Variants in TANC1 observed in about 807,000 individuals in gnomAD.
TANC1 encodes the protein protein TANC1.
In TANC1, 77 loss-of-function variants were observed where a neutral mutation model predicts 149.7. The observed-to-expected ratio is 0.51, with a 90% CI of 0.43 to 0.62. The LOEUF (loss-of-function observed/expected upper bound fraction) is 0.62, where lower values mean the gene tolerates loss of function less well. Among genes scored for constraint, TANC1 ranks in the 20% least tolerant of loss-of-function variants. TANC1 has a pLI of 0.00. For synonymous variants in TANC1, 854 were observed against 925.0 expected (o/e 0.92, Z 1.39); for missense variants, 1,985 against 2,321.8 (o/e 0.85, Z 2.98).
intron 2 of TANC1, among the ~76,000 whole-genome samples, chr2:159,028,670 T>C (rs1248152659): frequency 6.6e-6 from 1 of 152,230 alleles, no homozygotes; most frequent in Non-Finnish European, 1.5e-5. Context: ...ACTGAAACTT[T>C]ATATTCTTTC....
intron 3 of TANC1, among the ~76,000 whole-genome samples, chr2:159,068,450 T>A (rs188659040): frequency 6.6e-6 from 1 of 152,336 alleles, no homozygotes; most frequent in East Asian, 1.9e-4. Context: ...AAACTTGAGT[T>A]CAGCTTTTCA....
chr2:159,117,036 C>T (rs2150063937), intron 4 of TANC1, among the ~76,000 whole-genome samples: 1 of 152,294 alleles, frequency 6.6e-6, no homozygotes, highest in South Asian at 2.1e-4. Flanking sequence ...CACAGGAGCC[C>T]TCACACTCTG....
At chr2:159,002,182 G>A (rs571956558) in intron 2 of TANC1, among the ~76,000 whole-genome samples, 7 of 152,302 alleles carry the variant, frequency 4.6e-5, no homozygotes, top group East Asian at 3.9e-4. Flanking sequence ...ACCTGCGGCC[G>A]GAGGGGCTGG....
In TANC1 at chr2:159,231,796, T is replaced by C. The variant is rs2060342580; in HGVS notation, c.*784T>C. The C allele has an allele frequency of 6.6e-6, 1 of 152,172 alleles. No individual in the cohort carries two copies. Among genetic ancestry groups the C allele is most frequent in the Non-Finnish European group, 1.5e-5 (1 of 68,026 alleles). The allele number at this position is 152,172 out of a possible 1,614,324, so 9.4% of individuals were successfully genotyped here. Reference sequence around the variant, plus strand: ...TTCTTAGTGGCGCTTATAAATTAGCTCTCACCTGGTTTCCAAACTGCTTTT... The same window carrying C: ...TTCTTAGTGGCGCTTATAAATTAGCCCTCACCTGGTTTCCAAACTGCTTTT... On this transcript the variant is annotated 3_prime_UTR_variant, in exon 27 of 27. Transcript: ENST00000263635.
At chr2:159,098,940 G>A (rs1460204715) in intron 4 of TANC1, among the ~76,000 whole-genome samples, 2 of 151,908 alleles carry the variant, frequency 1.3e-5, no homozygotes, top group South Asian at 2.1e-4. Context: ...AACATATTCA[G>A]AATCTATCAA....
chr2:158,973,771 A>G (rs1282606159), intron 1 of TANC1, among the ~76,000 whole-genome samples: 1 of 152,166 alleles, frequency 6.6e-6, no homozygotes, highest in Non-Finnish European at 1.5e-5. Context: ...ATACCAAAGG[A>G]TATGAAGATT....
intron 4 of TANC1, among the ~76,000 whole-genome samples, chr2:159,122,226 C>T (rs1003750885): frequency 6.6e-6 from 1 of 152,236 alleles, no homozygotes; most frequent in Non-Finnish European, 1.5e-5. Context: ...GTGTGAGCCA[C>T]TGTTCCTGGC....
At chr2:159,141,498 A>G (rs2051364232) in intron 5 of TANC1, among the ~76,000 whole-genome samples, 1 of 152,228 alleles carries the variant, frequency 6.6e-6, no homozygotes, top group South Asian at 2.1e-4. Context: ...AAAGACAGAG[A>G]CAACAACTTC....
At chr2:159,035,777 G>C (rs935948384) in intron 2 of TANC1, among the ~76,000 whole-genome samples, 1 of 152,148 alleles carries the variant, frequency 6.6e-6, no homozygotes, top group Non-Finnish European at 1.5e-5. Flanking sequence ...CTGCGACTCT[G>C]TAATTTATAG....
At chr2:159,082,079 G>T (rs1250487528) in intron 3 of TANC1, among the ~76,000 whole-genome samples, 1 of 152,228 alleles carries the variant, frequency 6.6e-6, no homozygotes, top group Non-Finnish European at 1.5e-5. Flanking sequence ...GCCCCATCTG[G>T]GGGTGCCCTG....
intron 3 of TANC1, among the ~76,000 whole-genome samples, chr2:159,086,706 T>G (rs1347397922): frequency 1.3e-5 from 2 of 152,124 alleles, no homozygotes; most frequent in African/African-American, 4.8e-5. Context: ...TGTCAGAATA[T>G]ATGTCAAACT....
At chr2:159,017,648 AAG>A (rs907354424) in intron 2 of TANC1, among the ~76,000 whole-genome samples, 6 of 151,916 alleles carry the variant, frequency 3.9e-5, no homozygotes, top group African/African-American at 1.5e-4. Flanking sequence ...TTTTTAATGA[AAG>A]AGAGATGCCT....
intron 22 of TANC1, among the ~76,000 whole-genome samples, chr2:159,221,085 T>TTTGAAATAAAGAATA (rs2059679615): frequency 6.6e-6 from 1 of 152,180 alleles, no homozygotes; most frequent in Non-Finnish European, 1.5e-5. Context: ...GTGCGGTGGC[T>TTTGAAATAAAGAATA]CATGCCTGTA....
chr2:159,187,247 C>G (rs1205531232), intron 16 of TANC1, among the ~76,000 whole-genome samples: 1 of 152,182 alleles, frequency 6.6e-6, no homozygotes, highest in East Asian at 1.9e-4. Context: ...CAGGGCTGCT[C>G]TGAGCACATG....
At chr2:159,102,256 T>C (rs999764269) in intron 4 of TANC1, among the ~76,000 whole-genome samples, 4 of 152,274 alleles carry the variant, frequency 2.6e-5, no homozygotes, top group African/African-American at 7.2e-5. Context: ...TGTAACCCTC[T>C]TGTGTGCTGC....
intron 1 of TANC1, among the ~76,000 whole-genome samples, chr2:158,999,601 A>G (rs1355134887): frequency 6.6e-6 from 1 of 152,060 alleles, no homozygotes; most frequent in Non-Finnish European, 1.5e-5. Flanking sequence ...TTTGTTGAGG[A>G]GGAAGTAGTG....
At chr2:158,997,566 T>G (rs1459978509) in intron 1 of TANC1, among the ~76,000 whole-genome samples, 1 of 152,124 alleles carries the variant, frequency 6.6e-6, no homozygotes, top group Non-Finnish European at 1.5e-5. Context: ...TAATTATAGG[T>G]CTGGGGCATC....
intron 3 of TANC1, among the ~76,000 whole-genome samples, chr2:159,089,121 T>A (rs2045266537): frequency 6.6e-6 from 1 of 152,168 alleles, no homozygotes; most frequent in Non-Finnish European, 1.5e-5. Flanking sequence ...TTTGCTATCC[T>A]CCCCCTTCCA....
At chr2:159,156,450 C>G (rs1288367769) in intron 7 of TANC1, among the ~76,000 whole-genome samples, 1 of 152,196 alleles carries the variant, frequency 6.6e-6, no homozygotes. Context: ...ATTGGTGTAG[C>G]AAGCATTTAT....
Sources: allele counts gnomAD v4.1 joint callset (sites outside exome capture counted in the v4.1 genomes callset), GRCh38; gene constraint gnomAD v4.1.1; transcripts MANE v1.5; gene names NCBI Gene and HGNC (gene_info 2026-07-23, HGNC 2026-07-21).